FABP6: variants seen among roughly 807,000 people sequenced by gnomAD.
FABP6 encodes fatty acid binding protein 6.
In FABP6, 13 loss-of-function variants were observed where a neutral mutation model predicts 14.9. The observed-to-expected ratio is 0.87, with a 90% CI of 0.57 to 1.39. FABP6 has a LOEUF of 1.39. Ranked by LOEUF, FABP6 falls within the 40% of genes most tolerant of loss-of-function variation. The pLI is 0.00. For synonymous variants in FABP6, 75 were observed against 63.6 expected (o/e 1.18, Z -0.85); for missense variants, 161 against 167.2 (o/e 0.96, Z 0.20).
chr5:160,229,661 GT>G, intron 1 of FABP6, 37 bp downstream of exon 1: 8 of 1,601,494 alleles, frequency 5.0e-6, no homozygotes, highest in Non-Finnish European at 6.8e-6. Flanking sequence ...CTCGGGGTTG[GT>G]TTGTCACAGC....
At chr5:160,194,323 C>G (rs538336572) in intron 1 of FABP6, among the ~76,000 whole-genome samples, 1 of 152,326 alleles carries the variant, frequency 6.6e-6, no homozygotes, top group African/African-American at 2.4e-5. Context: ...GGAGTGGGCT[C>G]CAGCCTTGGC....
intron 1 of FABP6, chr5:160,198,812 C>T (rs1415216178): frequency 2.4e-6 from 1 of 417,656 alleles, no homozygotes; most frequent in Non-Finnish European, 4.3e-6. Flanking sequence ...CCCACCCCAT[C>T]TGAAAACGAC....
chr5:160,222,112 T>TTC, intron 3 of FABP6, among the ~76,000 whole-genome samples: 1 of 148,510 alleles, frequency 6.7e-6, no homozygotes, highest in African/African-American at 2.5e-5. Flanking sequence ...TTTTTTTTTT[T>TTC]AGACAGGGTC....
chr5:160,191,990 GAAA>G (rs775293331), intron 1 of FABP6, among the ~76,000 whole-genome samples: 7 of 150,278 alleles, frequency 4.7e-5, no homozygotes, highest in Non-Finnish European at 5.9e-5. Flanking sequence ...AGAAAAAAAA[GAAA>G]AAAAAAGAAA....
intron 3 of FABP6, among the ~76,000 whole-genome samples, chr5:160,238,181 C>T (rs1206706013): frequency 2.6e-5 from 4 of 152,156 alleles, no homozygotes; most frequent in East Asian, 1.9e-4. Context: ...TTCCCATCAC[C>T]GAGCATGTGA....
chr5:160,224,424 A>G (rs1047251583), intron 3 of FABP6, among the ~76,000 whole-genome samples: 1 of 152,136 alleles, frequency 6.6e-6, no homozygotes, highest in African/African-American at 2.4e-5. Flanking sequence ...CCCTGTCTCA[A>G]CAACAAAAGA....
At chr5:160,228,263 T>C (rs566490882), upstream of FABP6, among the ~76,000 whole-genome samples, 36 of 152,082 alleles carry the variant, frequency 2.4e-4, no homozygotes, top group Admixed American at 1.7e-3. Context: ...TGGTGGTGCA[T>C]GCCTGTAATC....
intron 3 of FABP6, among the ~76,000 whole-genome samples, chr5:160,236,905 C>A (rs1040085537): frequency 6.6e-6 from 1 of 151,680 alleles, no homozygotes; most frequent in Non-Finnish European, 1.5e-5. Context: ...TCGCTTCAAT[C>A]CAGGAGGCAG....
intron 3 of FABP6, among the ~76,000 whole-genome samples, chr5:160,214,696 G>A (rs1447065118): frequency 1.3e-5 from 2 of 151,356 alleles, no homozygotes; most frequent in East Asian, 2.0e-4. Context: ...TCTTATGTCT[G>A]TAATCCCAAC....
At chr5:160,232,647 A>T (rs1158474586) in intron 2 of FABP6, among the ~76,000 whole-genome samples, 1 of 152,126 alleles carries the variant, frequency 6.6e-6, no homozygotes, top group Non-Finnish European at 1.5e-5. Flanking sequence ...CTGTAATCCC[A>T]GCACTTTGGG....
chr5:160,219,180 G>A (rs945569067), intron 3 of FABP6, among the ~76,000 whole-genome samples: 9 of 152,144 alleles, frequency 5.9e-5, no homozygotes, highest in African/African-American at 1.9e-4. Context: ...TGCAAGACCT[G>A]TAAGGTCCTG....
At chr5:160,236,724 C>A (rs1320422179) in intron 3 of FABP6, among the ~76,000 whole-genome samples, 1 of 151,802 alleles carries the variant, frequency 6.6e-6, no homozygotes, top group Admixed American at 6.6e-5. Flanking sequence ...CTAATCCCAG[C>A]ACTTTGGGAG....
At chr5:160,222,095 CTT>C (rs202190021) in intron 3 of FABP6, among the ~76,000 whole-genome samples, 564 of 130,302 alleles carry the variant, frequency 4.3e-3, no homozygotes, top group African/African-American at 0.014. Context: ...TTTTTCTTTT[CTT>C]TTTTTTTTTT....
At chr5:160,188,157 G>C (rs1433770517) in intron 1 of FABP6, among the ~76,000 whole-genome samples, 2 of 152,130 alleles carry the variant, frequency 1.3e-5, no homozygotes, top group Admixed American at 1.3e-4. Flanking sequence ...CAGGGGCCGG[G>C]CTAGGATTCC....
chr5:160,226,764 C>G (rs1760255965), upstream of FABP6, among the ~76,000 whole-genome samples: 1 of 152,144 alleles, frequency 6.6e-6, no homozygotes, highest in African/African-American at 2.4e-5. Flanking sequence ...GTGAGCTATT[C>G]TTGCCATTGT....
At chr5:160,234,522 G>A (rs1760464701) in intron 2 of FABP6, among the ~76,000 whole-genome samples, 1 of 151,466 alleles carries the variant, frequency 6.6e-6, no homozygotes, top group African/African-American at 2.4e-5. Context: ...TGCCTCCCGG[G>A]TTCAAGTGAT....
intron 3 of FABP6, among the ~76,000 whole-genome samples, chr5:160,215,166 A>G (rs1759984407): frequency 6.6e-6 from 1 of 152,188 alleles, no homozygotes; most frequent in Non-Finnish European, 1.5e-5. Context: ...ACAAAAGGAG[A>G]ATGGCTGAGT....
intron 3 of FABP6, among the ~76,000 whole-genome samples, chr5:160,218,657 C>T (rs1233603897): frequency 4.6e-5 from 7 of 151,604 alleles, no homozygotes; most frequent in Admixed American, 1.3e-4. Flanking sequence ...GACGGGGTTT[C>T]GCCATGTTGG....
rs1473458255 is a variant in FABP6, at chr5:160,193,441, G to A, written c.-58-5608G>A. Among the ~76,000 whole-genome samples the A allele has an allele frequency of 3.3e-5, 5 of 152,202 alleles. No homozygotes were observed. The East Asian group carries it at 7.7e-4, about 24-fold the overall frequency. On this transcript the variant is annotated intron_variant, in intron 1 of 6. Coordinates refer to the FABP6 transcript ENST00000393980. The stretch of plus-strand genomic sequence containing the variant: ...CCACAGTGTGGAAGGGGACCCGAGC[G>A]GGTTGCGACTGCTGGCTCAGGCAGC...
Sources: gnomAD v4.1 joint callset for allele counts (sites outside exome capture counted in the v4.1 genomes callset) on GRCh38, gnomAD v4.1.1 for gene constraint, MANE v1.5 for transcripts, NCBI Gene and HGNC (gene_info 2026-07-23, HGNC 2026-07-21) for gene names.